ZNF536: variants seen among roughly 807,000 people sequenced by gnomAD.
ZNF536 encodes the protein zinc finger protein 536.
Under a neutral mutation model 84.5 loss-of-function variants are expected in ZNF536, and 13 were observed. The ratio of observed to expected loss-of-function variants is 0.15; its 90% CI spans 0.10 to 0.24. The LOEUF (loss-of-function observed/expected upper bound fraction) is 0.24, where lower values mean the gene tolerates loss of function less well. Ranked by LOEUF, ZNF536 falls within the 10% of genes least tolerant of loss-of-function variation. ZNF536 has a pLI of 1.00. For missense variants in ZNF536, 1,536 were observed against 1,747.5 expected (o/e 0.88, Z 2.16); for synonymous variants, 811 against 742.5 (o/e 1.09, Z -1.50).
chr19:30,439,171 G>GCA (rs145709777), intron 1 of ZNF536, among the ~76,000 whole-genome samples: 16 of 150,910 alleles, frequency 1.1e-4, no homozygotes, highest in African/African-American at 2.4e-4. Context: ...GCACACACAC[G>GCA]CACACACACA....
intron 1 of ZNF536, among the ~76,000 whole-genome samples, chr19:30,592,679 A>G (rs925330215): frequency 2.6e-5 from 4 of 151,844 alleles, no homozygotes; most frequent in African/African-American, 9.7e-5. Context: ...CATAATCACA[A>G]ATATCTTCTG....
At chr19:30,473,054 AAAT>A (rs1480414606) in intron 2 of ZNF536, among the ~76,000 whole-genome samples, 2 of 144,468 alleles carry the variant, frequency 1.4e-5, no homozygotes, top group African/African-American at 2.6e-5. Flanking sequence ...AAAAAAAAAA[AAAT>A]TAGCCGGGCG....
At chr19:30,573,745 G>A (rs184794674) in intron 1 of ZNF536, among the ~76,000 whole-genome samples, 1 of 152,270 alleles carries the variant, frequency 6.6e-6, no homozygotes, top group African/African-American at 2.4e-5. Flanking sequence ...AAATTCACCT[G>A]GAAAACGTGG....
At chr19:30,345,766 A>G (rs1462189143) in intron 2 of ZNF536, among the ~76,000 whole-genome samples, 1 of 152,166 alleles carries the variant, frequency 6.6e-6, no homozygotes, top group Non-Finnish European at 1.5e-5. Context: ...GGAGCCACAG[A>G]TCCATGAAGT....
intron 1 of ZNF536, among the ~76,000 whole-genome samples, chr19:30,657,569 G>A (rs768290940): frequency 1.1e-4 from 16 of 152,154 alleles, no homozygotes; most frequent in African/African-American, 2.7e-4. Context: ...GCTCAGCCCC[G>A]CTTCTCTTTC....
At chr19:30,554,940 C>T (rs1007260787) in intron 4 of ZNF536, 1 of 152,158 alleles carries the variant, frequency 6.6e-6, no homozygotes, top group South Asian at 2.1e-4. Flanking sequence ...GTGGCAGGGC[C>T]CCATCCATTG....
chr19:30,635,392 T>G (rs571570357), intron 1 of ZNF536, among the ~76,000 whole-genome samples: 6 of 152,134 alleles, frequency 3.9e-5, no homozygotes, highest in Non-Finnish European at 7.3e-5. Flanking sequence ...TATTATTAAC[T>G]TAACAAAGAG....
At chr19:30,644,975 G>A (rs2049409389) in intron 1 of ZNF536, among the ~76,000 whole-genome samples, 2 of 152,134 alleles carry the variant, frequency 1.3e-5, no homozygotes, top group Non-Finnish European at 2.9e-5. Flanking sequence ...CTAGCTTACA[G>A]TCCCACCAAC....
intron 1 of ZNF536, among the ~76,000 whole-genome samples, chr19:30,694,861 C>G (rs939735957): frequency 1.9e-4 from 29 of 152,066 alleles, no homozygotes; most frequent in African/African-American, 6.5e-4. Flanking sequence ...CCATCCCAGT[C>G]CCCCACAGAA....
Position 30,343,090 on chromosome 19 carries a change from G to A in ZNF536, c.-119-9278G>A, listed in dbSNP as rs1040647130. The stretch of plus-strand genomic sequence containing the variant: ...TCTCCCCCACCCTCGGCCCGGTGGG[G>A]ACAGCCTTGGGCCCCTGGATAAGCC... On this transcript the variant is annotated intron_variant, in intron 2 of 5. Transcript: ENST00000585628. 2.6e-5 allele frequency among the ~76,000 whole-genome samples: 4 copies of A among 152,136 alleles called. No individual in the cohort carries two copies. The South Asian group carries it at 8.3e-4, about 32-fold the overall frequency.
intron 1 of ZNF536, among the ~76,000 whole-genome samples, chr19:30,387,426 A>AG (rs2049388339): frequency 6.6e-6 from 1 of 152,178 alleles, no homozygotes; most frequent in African/African-American, 2.4e-5. Flanking sequence ...CATGCTTGAG[A>AG]GATGCCCAGA....
intron 1 of ZNF536, among the ~76,000 whole-genome samples, chr19:30,377,587 C>G (rs536276573): frequency 9.9e-5 from 15 of 151,992 alleles, no homozygotes. Flanking sequence ...GTCCAATGCT[C>G]GTATATATAG....
At chr19:30,515,829 C>A (rs1437209849) in intron 2 of ZNF536, among the ~76,000 whole-genome samples, 1 of 151,826 alleles carries the variant, frequency 6.6e-6, no homozygotes, top group Non-Finnish European at 1.5e-5. Context: ...AGTTCGAGAC[C>A]AGCCTGGCCA....
rs75235291 is a variant in ZNF536 at position 30,613,154 on chromosome 19, A to G, written c.169+63640A>G. On this transcript the variant is annotated intron_variant, in intron 1 of 1. Transcript: ENST00000592773. The stretch of plus-strand genomic sequence containing the variant: ...GAGGAACTTGAGGTGATCTTTCCTT[A>G]CTGGTGATGTTAACTTTGGGTCACT... Among the ~76,000 whole-genome samples the G allele has an allele frequency of 5.3e-3, 812 of 152,248 alleles. 7 individuals carry two copies. Among genetic ancestry groups the G allele is most frequent in the African/African-American group, 0.019 (783 of 41,544 alleles).
intron 1 of ZNF536, among the ~76,000 whole-genome samples, chr19:30,671,695 T>C (rs1354788685): frequency 6.6e-6 from 1 of 152,162 alleles, no homozygotes; most frequent in African/African-American, 2.4e-5. Context: ...CTAGTGTTTA[T>C]AGCACCTGCG....
At chr19:30,268,623 C>T (rs928047488) in intron 1 of ZNF536, among the ~76,000 whole-genome samples, 10 of 152,184 alleles carry the variant, frequency 6.6e-5, no homozygotes, top group Non-Finnish European at 1.5e-4. Flanking sequence ...ACGAGCTTTC[C>T]AAGTTTTCAA....
intron 1 of ZNF536, among the ~76,000 whole-genome samples, chr19:30,245,208 C>G (rs2024187652): frequency 6.6e-6 from 1 of 152,234 alleles, no homozygotes. Context: ...TCAGGTCCCA[C>G]TCAAGTGGCA....
At chr19:30,269,983 A>T (rs2025736907) in intron 1 of ZNF536, among the ~76,000 whole-genome samples, 1 of 152,168 alleles carries the variant, frequency 6.6e-6, no homozygotes, top group Non-Finnish European at 1.5e-5. Flanking sequence ...ATCCCTCTGA[A>T]CTAACTCATC....
At chr19:30,329,321 G>C (rs761840694) in intron 2 of ZNF536, among the ~76,000 whole-genome samples, 3 of 151,452 alleles carry the variant, frequency 2.0e-5, no homozygotes, top group Non-Finnish European at 4.4e-5. Context: ...TTTGTACAGA[G>C]AACACACATA....
Sources: allele counts gnomAD v4.1 joint callset (sites outside exome capture counted in the v4.1 genomes callset), GRCh38; gene constraint gnomAD v4.1.1; transcripts MANE v1.5; gene names NCBI Gene and HGNC (gene_info 2026-07-23, HGNC 2026-07-21).